ZNF599: variants seen among roughly 807,000 people sequenced by gnomAD.
The protein encoded by ZNF599 is zinc finger protein 599.
A neutral mutation model predicts 11.7 loss-of-function variants in ZNF599; 10 were observed. The ratio of observed to expected loss-of-function variants is 0.86; its 90% confidence interval spans 0.53 to 1.45. The LOEUF is 1.45. Ranked by LOEUF, ZNF599 falls within the 40% of genes most tolerant of loss-of-function variation. ZNF599 has a pLI of 0.00. For synonymous variants in ZNF599, 232 were observed against 253.2 expected (o/e 0.92, Z 0.79); for missense variants, 688 against 713.6 (o/e 0.96, Z 0.41).
the ZNF599 span, among the ~76,000 whole-genome samples, chr19:34,807,507 G>A: frequency 1.8e-3 from 268 of 152,276 alleles, no homozygotes; most frequent in Middle Eastern, 3.4e-3. Flanking sequence ...TGTTGCCTTC[G>A]CCTCCTTTTC....
At chr19:34,794,490 G>A in the ZNF599 span, among the ~76,000 whole-genome samples, 2 of 152,062 alleles carry the variant, frequency 1.3e-5, no homozygotes, top group African/African-American at 4.8e-5. Flanking sequence ...GGGGCCTTGT[G>A]ACTGGTGCTC....
chr19:34,787,829 G>C, the ZNF599 span, among the ~76,000 whole-genome samples: 1 of 152,142 alleles, frequency 6.6e-6, no homozygotes, highest in Non-Finnish European at 1.5e-5. Context: ...GGAAGAGAAA[G>C]GGGATTCCTA....
upstream of ZNF599, among the ~76,000 whole-genome samples, chr19:34,777,166 T>TA: frequency 6.7e-6 from 1 of 148,688 alleles, no homozygotes; most frequent in Non-Finnish European, 1.5e-5. Flanking sequence ...AATTCTTAGA[T>TA]ATGATACCAA....
rs754249057 is a variant in ZNF599, at chr19:34,760,126, C to A, written c.675G>T (p.Lys225Asn). The change falls in exon 4 of 4, where the codon AAG becomes AAT. Residue 225 changes from lysine to asparagine, a missense_variant. Lys to Asn is a moderately conservative substitution (Grantham distance 94). Transcript: ENST00000329285. ...TCCCACACTCATTGCACTCATAGGG[C>A]TTCACTCCAGCATGAATCTGTTGAT... ...VRHQQIHAGVKPYECNECGKA... is the reference protein window; with the variant it reads ...VRHQQIHAGVNPYECNECGKA... 3 of 1,614,146 alleles carry A rather than the reference C, an allele frequency of 1.9e-6. No individual in the cohort carries two copies. The highest frequency in any genetic ancestry group is 2.5e-6 in the Non-Finnish European group (3 of 1,180,036).
upstream of ZNF599, among the ~76,000 whole-genome samples, chr19:34,774,383 C>T (rs1041790297): frequency 6.6e-6 from 1 of 152,312 alleles, no homozygotes; most frequent in East Asian, 1.9e-4. Context: ...GATCTTGTCT[C>T]ATCAAGACAC....
chr19:34,797,942 G>A, the ZNF599 span, among the ~76,000 whole-genome samples: 99 of 152,190 alleles, frequency 6.5e-4, no homozygotes, highest in African/African-American at 2.1e-3. Context: ...ATGAACAGGC[G>A]CCCCCATGCA....
At chr19:34,782,185 C>G in the ZNF599 span, among the ~76,000 whole-genome samples, 1 of 152,230 alleles carries the variant, frequency 6.6e-6, no homozygotes. Flanking sequence ...TCCACCATCT[C>G]CAGTTGGGCA....
the ZNF599 span, among the ~76,000 whole-genome samples, chr19:34,798,327 A>G: frequency 0.016 from 2,457 of 152,322 alleles, 79 homozygotes; most frequent in African/African-American, 0.054. Context: ...GCGACAGAGC[A>G]AAGAAATGTA....
the ZNF599 span, among the ~76,000 whole-genome samples, chr19:34,785,136 T>A: frequency 6.6e-6 from 1 of 151,964 alleles, no homozygotes; most frequent in African/African-American, 2.4e-5. Context: ...AACTATTCCA[T>A]CTCAATTGGT....
At chr19:34,777,411 A>AT (rs2069224534), upstream of ZNF599, among the ~76,000 whole-genome samples, 2 of 90,392 alleles carry the variant, frequency 2.2e-5, no homozygotes, top group African/African-American at 8.9e-5. Flanking sequence ...ATTATATATA[A>AT]TATATATTAA....
intron 2 of ZNF599, among the ~76,000 whole-genome samples, chr19:34,768,430 C>T (rs570272701): frequency 7.2e-5 from 11 of 152,292 alleles, no homozygotes; most frequent in East Asian, 3.9e-4. Context: ...AGAGCCCTGT[C>T]GATGGTAACC....
the ZNF599 span, among the ~76,000 whole-genome samples, chr19:34,781,859 T>C: frequency 6.6e-6 from 1 of 152,160 alleles, no homozygotes; most frequent in African/African-American, 2.4e-5. Flanking sequence ...TGTAGGCTAA[T>C]GTTGGAGAGC....
At chr19:34,781,963 T>C in the ZNF599 span, among the ~76,000 whole-genome samples, 1 of 152,122 alleles carries the variant, frequency 6.6e-6, no homozygotes, top group Non-Finnish European at 1.5e-5. Flanking sequence ...GACAAGTGGA[T>C]ACAGTTTCAA....
At chr19:34,806,263 A>G in the ZNF599 span, among the ~76,000 whole-genome samples, 1 of 152,072 alleles carries the variant, frequency 6.6e-6, no homozygotes, top group African/African-American at 2.4e-5. Flanking sequence ...TGACTGTACA[A>G]TCTCTATATT....
the ZNF599 span, among the ~76,000 whole-genome samples, chr19:34,805,690 G>A: frequency 1.3e-5 from 2 of 152,048 alleles, no homozygotes; most frequent in Non-Finnish European, 2.9e-5. Context: ...GCAGCCAGAG[G>A]GAGCCTATTA....
At chr19:34,765,817 C>T (rs1357746847) in intron 3 of ZNF599, among the ~76,000 whole-genome samples, 1 of 152,148 alleles carries the variant, frequency 6.6e-6, no homozygotes, top group African/African-American at 2.4e-5. Flanking sequence ...ACCAGATGCA[C>T]AGAGCACATG....
chr19:34,765,291 TG>T (rs1200679380), intron 3 of ZNF599: 1 of 388,516 alleles, frequency 2.6e-6, no homozygotes, highest in Non-Finnish European at 4.7e-6. Flanking sequence ...ATGGCAAAGA[TG>T]ATGGAATGTA....
the ZNF599 span, among the ~76,000 whole-genome samples, chr19:34,796,378 T>C: frequency 1.3e-5 from 2 of 151,812 alleles, no homozygotes; most frequent in African/African-American, 4.8e-5. Flanking sequence ...AGGTGCAATC[T>C]TGACTCACTG....
At position 34,772,946 on chromosome 19, in the gene ZNF599, C is replaced by T; in HGVS notation, c.-105G>A. 7.7e-7 allele frequency: 1 copy of T among 1,301,154 alleles called. No homozygotes were observed. The highest frequency in any genetic ancestry group is 1.0e-6 in the Non-Finnish European group (1 of 999,994). The allele number at this position is 1,301,154 out of a possible 1,614,324, so 80.6% of individuals were successfully genotyped here. On this transcript the variant is annotated 5_prime_UTR_variant, in exon 1 of 4. Coordinates refer to ENST00000329285, the MANE Select transcript of ZNF599 (RefSeq NM_001007248.3). ...TCTGGGCTGCGAGGGACCTCAGTCC[C>T]CGCCGTCGTGTAAAATGCACACAAG...
Sources: allele counts gnomAD v4.1 joint callset (sites outside exome capture counted in the v4.1 genomes callset), GRCh38; gene constraint gnomAD v4.1.1; transcripts MANE v1.5; gene names NCBI Gene and HGNC (gene_info 2026-07-23, HGNC 2026-07-21).